Variants in USP43 observed in about 807,000 individuals in gnomAD.
The protein encoded by USP43 is ubiquitin carboxyl-terminal hydrolase 43.
In USP43, 33 loss-of-function variants were observed where a neutral mutation model predicts 90.7. That is an observed-to-expected ratio of 0.36 (90% confidence interval 0.28 to 0.49). USP43 has a LOEUF of 0.49. USP43 is among the 20% of genes least tolerant of loss of function. The pLI is 0.98. For synonymous variants in USP43, 598 were observed against 615.8 expected, an observed-to-expected ratio of 0.97 and a Z score of 0.43; for missense variants, 1,274 against 1,476.4, an observed-to-expected ratio of 0.86 and a Z score of 2.25.
chr17:9,721,960 C>G (rs1916981746), intron 14 of USP43, among the ~76,000 whole-genome samples: 1 of 150,748 alleles, frequency 6.6e-6, no homozygotes, highest in South Asian at 2.1e-4. Context: ...AAGCTGGTCT[C>G]AAACTCCTCA....
At position 9,664,452 on chromosome 17, in the gene USP43, C is replaced by T. The variant is rs541464414; in HGVS notation, c.637-2196C>T. Among the ~76,000 whole-genome samples the T allele has an allele frequency of 2.6e-5, 4 of 152,284 alleles. No homozygotes were observed. The East Asian group carries it at 7.7e-4, about 29-fold the overall frequency. On this transcript the variant is annotated intron_variant, in intron 2 of 14. Coordinates refer to ENST00000285199, the MANE Select transcript of USP43 (RefSeq NM_153210.5). ...CTAATGTCACCCAGGTCTTTACGTA[C>T]ACCTCACTGCCTGCCTGTTCTTCTA...
Position 9,709,980 on chromosome 17 carries a change from G to C in USP43, c.2036G>C (p.Gly679Ala). Residue 679 changes from glycine to alanine, a missense_variant, in exon 13 of 15, where the codon GGC becomes GCC. By Grantham distance (60) the Gly-to-Ala change is moderately conservative. This residue lies in a region of USP43 where 285 missense variants were observed against 349.6 expected (regional missense o/e 0.82). Coordinates refer to ENST00000285199, the MANE Select transcript of USP43 (RefSeq NM_153210.5). The surrounding 1 kb of genome is among the most constrained non-coding windows in gnomAD (Gnocchi z 5.0). ...YTAYCRNSLDGQWYSYDDSTV... is the reference protein window; with the variant it reads ...YTAYCRNSLDAQWYSYDDSTV... ...GCCTACTGCCGGAACTCTCTGGATG[G>C]CCAGTGGTACAGTTATGATGACAGC... 6.7e-7 allele frequency: 1 copy of C among 1,502,276 alleles called. No individual in the cohort carries two copies. The highest frequency in any genetic ancestry group is 8.9e-7 in the Non-Finnish European group (1 of 1,123,418). The allele number at this position is 1,502,276 out of a possible 1,614,324, so 93.1% of individuals were successfully genotyped here.
chr17:9,648,746 T>C (rs1597807145), intron 1 of USP43, among the ~76,000 whole-genome samples: 1 of 152,076 alleles, frequency 6.6e-6, no homozygotes, highest in East Asian at 1.9e-4. Context: ...GTTCAATAAA[T>C]GAATAAAAGC....
intron 6 of USP43, among the ~76,000 whole-genome samples, chr17:9,681,053 T>A (rs1421271948): frequency 7.8e-6 from 1 of 127,938 alleles, no homozygotes; most frequent in Non-Finnish European, 1.6e-5. Flanking sequence ...ATATATAATA[T>A]ATATAAAATG....
intron 10 of USP43, 60 bp downstream of exon 10, chr17:9,700,309 T>G: frequency 2.0e-5 from 30 of 1,500,166 alleles, no homozygotes; most frequent in Non-Finnish European, 2.5e-5. Context: ...GTGCCCAGGT[T>G]TCCCTGGACG....
intron 9 of USP43, among the ~76,000 whole-genome samples, chr17:9,698,358 A>T (rs1326352894): frequency 6.6e-6 from 1 of 151,990 alleles, no homozygotes; most frequent in African/African-American, 2.4e-5. Context: ...ATGTTTGTTT[A>T]TGTTGCATTT....
chr17:9,676,983 C>T (rs72820043), intron 5 of USP43, 102 bp downstream of exon 5: 20,487 of 1,425,660 alleles, frequency 0.014, 237 homozygotes, highest in Non-Finnish European at 0.015. Flanking sequence ...CAGGTGACTC[C>T]AGTATGACTC....
intron 9 of USP43, among the ~76,000 whole-genome samples, chr17:9,698,424 A>G (rs932810727): frequency 2.6e-5 from 4 of 152,152 alleles, no homozygotes; most frequent in Non-Finnish European, 5.9e-5. Context: ...TGTCCTCCAG[A>G]GCATCCTGGG....
chr17:9,665,954 C>T (rs1050170098), intron 2 of USP43, among the ~76,000 whole-genome samples: 4 of 152,140 alleles, frequency 2.6e-5, no homozygotes, highest in Non-Finnish European at 5.9e-5. Flanking sequence ...GCCCTGCCAA[C>T]ACCTTGATTT....
chr17:9,667,893 CAG>C (rs2151968789), intron 3 of USP43, among the ~76,000 whole-genome samples: 1 of 152,246 alleles, frequency 6.6e-6, no homozygotes, highest in African/African-American at 2.4e-5. Flanking sequence ...ACAAAAGTCT[CAG>C]GGGATGAGTA....
chr17:9,676,731 C>A lies in USP43; in HGVS notation c.834-15C>A. On this transcript the variant is annotated splice_polypyrimidine_tract_variant and intron_variant, in intron 4 of 14. Coordinates refer to ENST00000285199, the MANE Select transcript of USP43 (RefSeq NM_153210.5). Reference sequence around the variant, plus strand: ...TGTCAGTCCTTTAAGGGTGTTGCCCCTTCCTATTTTCCAGGTTCTTGAGTG... The same window carrying A: ...TGTCAGTCCTTTAAGGGTGTTGCCCATTCCTATTTTCCAGGTTCTTGAGTG... The A allele has an allele frequency of 6.2e-7, 1 of 1,611,280 alleles. No individual in the cohort carries two copies. The highest frequency in any genetic ancestry group is 2.2e-5 in the East Asian group (1 of 44,858).
rs113874185 is a variant in USP43 at position 9,686,307 on chromosome 17, G to T, written c.1242-491G>T. Among the ~76,000 whole-genome samples, 422 of 152,268 alleles carry T rather than the reference G, an allele frequency of 2.8e-3. No individual in the cohort carries two copies. The highest frequency in any genetic ancestry group is 9.8e-3 in the African/African-American group (406 of 41,556). Reference sequence around the variant, plus strand: ...AGTGCAGAGATCTCTTTGACATGATGATCTTTCCTTTGGATAAATACCCAG... The same window carrying T: ...AGTGCAGAGATCTCTTTGACATGATTATCTTTCCTTTGGATAAATACCCAG... On this transcript the variant is annotated intron_variant, in intron 7 of 14. Coordinates refer to ENST00000285199, the MANE Select transcript of USP43 (RefSeq NM_153210.5). This position sits in a 1 kb window ranked among gnomAD's most constrained non-coding sequence, Gnocchi z 5.5.
chr17:9,690,360 C>G (rs1159598299), intron 8 of USP43, among the ~76,000 whole-genome samples: 1 of 152,054 alleles, frequency 6.6e-6, no homozygotes, highest in Non-Finnish European at 1.5e-5. Context: ...TCATCAGTGA[C>G]AAATTTAAGC....
chr17:9,676,677 C>A lies in USP43; in HGVS notation c.834-69C>A, dbSNP rs1020758163. On this transcript the variant is annotated intron_variant, in intron 4 of 14. Transcript: ENST00000285199. ...GTGAGCCACTGCGCCTGGCCTTGAT[C>A]CATTATCAACAATGTCATTCACAGT... The A allele has an allele frequency of 1.0e-5, 16 of 1,541,622 alleles. No homozygotes were observed. In the African/African-American group the frequency reaches 1.6e-4, roughly 16 times the overall value.
Position 9,646,019 on chromosome 17 carries a change from G to T in USP43, c.387G>T (p.Leu129=). ...LSNTDLLAEF[L]ALGRYRAAPG... is the part of the protein sequence containing the mutation. ...ACACCGACCTGCTGGCCGAGTTCCT[G>T]GCGCTGGGGCGCTACCGGGCGGCTC... The change falls in exon 1 of 15, where the codon CTG becomes CTT. Residue 129 remains leucine (L), a synonymous_variant. Coordinates refer to ENST00000285199, the MANE Select transcript of USP43 (RefSeq NM_153210.5). 6.7e-7 allele frequency: 1 copy of T among 1,485,988 alleles called. No homozygotes were observed. Among genetic ancestry groups the T allele is most frequent in the East Asian group, 2.9e-5 (1 of 34,894 alleles). The allele number at this position is 1,485,988 out of a possible 1,614,324, so 92.1% of individuals were successfully genotyped here. A position where few individuals can be genotyped will look rare whatever the true frequency, so the allele number is the denominator to read the frequency against.
At position 9,728,010 on chromosome 17, in the gene USP43, A is replaced by G. The variant is rs1237960617; in HGVS notation, c.2392A>G (p.Lys798Glu). ...CGTGAAAGGCAGAAGCATTAGCATG[A>G]AGGCACCCACCACTTCCCGAGCCAA... ...RGVKGRSISMKAPTTSRAKQG... is the reference protein window; with the variant it reads ...RGVKGRSISMEAPTTSRAKQG... The change falls in exon 15 of 15, where the codon AAG (lysine) becomes GAG (glutamate). Residue 798 changes from lysine to glutamate, a missense_variant. Around this residue, in one of 6 missense-constraint regions of USP43, gnomAD observed 285 missense variants for 349.6 expected, o/e 0.82. Coordinates refer to ENST00000285199, the MANE Select transcript of USP43 (RefSeq NM_153210.5). This position sits in a 1 kb window ranked among gnomAD's most constrained non-coding sequence, Gnocchi z 6.2. The G allele has an allele frequency of 6.2e-7, 1 of 1,613,328 alleles. No individual in the cohort carries two copies. Among genetic ancestry groups the G allele is most frequent in the East Asian group, 2.2e-5 (1 of 44,832 alleles).
chr17:9,680,966 C>T (rs1914130163), intron 6 of USP43, among the ~76,000 whole-genome samples: 1 of 143,144 alleles, frequency 7.0e-6, no homozygotes, highest in Non-Finnish European at 1.5e-5. Context: ...ACATTTTGGC[C>T]AAGTTAGTGA....
intron 8 of USP43, among the ~76,000 whole-genome samples, chr17:9,689,673 C>T (rs889513301): frequency 1.3e-5 from 2 of 152,252 alleles, no homozygotes; most frequent in Middle Eastern, 3.4e-3. Flanking sequence ...ATTGGCCTCC[C>T]GAAGTGCTGG....
In USP43 at chr17:9,676,950, T is replaced by A. The variant is rs905392058; in HGVS notation, c.969+69T>A. The A allele has an allele frequency of 3.7e-5, 58 of 1,553,456 alleles. 1 individual carries two copies. The highest frequency in any genetic ancestry group is 2.1e-4 in the Middle Eastern group (1 of 4,774). ...TGCTAACTGAGCCAGCTGTCTAGGC[T>A]GTTTAGGCCAATTTGTGGTTCCCAG... On this transcript the variant is annotated intron_variant, in intron 5 of 14. Coordinates refer to ENST00000285199, the MANE Select transcript of USP43 (RefSeq NM_153210.5).
Sources: allele counts gnomAD v4.1 joint callset (sites outside exome capture counted in the v4.1 genomes callset), GRCh38; gene constraint gnomAD v4.1.1; regional missense constraint gnomAD v4.1.1; non-coding constraint Gnocchi (gnomAD v3.1); transcripts MANE v1.5; gene names NCBI Gene and HGNC (gene_info 2026-07-23, HGNC 2026-07-21).